The following PTPN1 variants were observed in gnomAD, a reference collection of about 807,000 sequenced individuals.
PTPN1 encodes protein tyrosine phosphatase non-receptor type 1, also known as tyrosine-protein phosphatase non-receptor type 1.
Under a neutral mutation model 59.9 loss-of-function variants are expected in PTPN1, and 12 were observed. The ratio of observed to expected loss-of-function variants is 0.20; its 90% CI spans 0.13 to 0.32. The LOEUF (loss-of-function observed/expected upper bound fraction) is 0.32, where lower values mean the gene tolerates loss of function less well. Among genes scored for constraint, PTPN1 ranks in the 10% least tolerant of loss-of-function variants. PTPN1 has a pLI of 1.00. For synonymous variants in PTPN1, 178 were observed against 203.6 expected, an observed-to-expected ratio of 0.87 and a Z score of 1.07; for missense variants, 356 against 549.2, an observed-to-expected ratio of 0.65 and a Z score of 3.52.
chr20:50,525,632 A>G (rs2082571486), intron 1 of PTPN1, among the ~76,000 whole-genome samples: 1 of 145,714 alleles, frequency 6.9e-6, no homozygotes, highest in Non-Finnish European at 1.5e-5. Context: ...TTTTTTGATG[A>G]TTGTTTTTTG....
intron 1 of PTPN1, among the ~76,000 whole-genome samples, chr20:50,549,267 G>C (rs1030977469): frequency 6.6e-6 from 1 of 152,012 alleles, no homozygotes. Flanking sequence ...TTTATATTTG[G>C]AGCAGTGGGT....
At chr20:50,524,720 G>A (rs2082566732) in intron 1 of PTPN1, among the ~76,000 whole-genome samples, 1 of 150,240 alleles carries the variant, frequency 6.7e-6, no homozygotes, top group Non-Finnish European at 1.5e-5. Flanking sequence ...GGGATTACAG[G>A]CGCCTGCCAC....
chr20:50,529,584 A>T (rs1389965832), intron 1 of PTPN1, among the ~76,000 whole-genome samples: 1 of 152,172 alleles, frequency 6.6e-6, no homozygotes, highest in Non-Finnish European at 1.5e-5. Flanking sequence ...TCTGAAACCA[A>T]ATCATTGTTT....
chr20:50,557,110 C>A (rs2082729456), intron 1 of PTPN1, among the ~76,000 whole-genome samples: 1 of 152,178 alleles, frequency 6.6e-6, no homozygotes, highest in Non-Finnish European at 1.5e-5. Flanking sequence ...CCACCTCAGA[C>A]CATTTCTCTG....
chr20:50,562,430 G>A (rs2082757301), intron 2 of PTPN1, among the ~76,000 whole-genome samples: 1 of 151,894 alleles, frequency 6.6e-6, no homozygotes, highest in African/African-American at 2.4e-5. Flanking sequence ...TGTGCCTCTT[G>A]GCCTGCCACC....
At chr20:50,581,885 C>T (rs1006039949) in intron 9 of PTPN1, among the ~76,000 whole-genome samples, 5 of 152,056 alleles carry the variant, frequency 3.3e-5, no homozygotes, top group Non-Finnish European at 5.9e-5. Context: ...GAAACTTTCT[C>T]ATACCCTTAG....
intron 1 of PTPN1, among the ~76,000 whole-genome samples, chr20:50,531,505 T>C (rs2122736823): frequency 6.6e-6 from 1 of 152,316 alleles, no homozygotes; most frequent in South Asian, 2.1e-4. Flanking sequence ...GCCTCCTTAG[T>C]AGCTGGGATT....
chr20:50,512,068 C>A (rs1221518341), intron 1 of PTPN1, among the ~76,000 whole-genome samples: 1 of 152,060 alleles, frequency 6.6e-6, no homozygotes, highest in African/African-American at 2.4e-5. Context: ...TTAGTTTCTG[C>A]TAGACTAATA....
At chr20:50,572,962 A>C (rs2082818434) in intron 4 of PTPN1, 1 of 152,216 alleles carries the variant, frequency 6.6e-6, no homozygotes, top group Non-Finnish European at 1.5e-5. Flanking sequence ...AAACTGGCTA[A>C]GACTTCAGAC....
At chr20:50,562,543 A>G (rs971859838) in intron 2 of PTPN1, among the ~76,000 whole-genome samples, 4 of 152,224 alleles carry the variant, frequency 2.6e-5, no homozygotes, top group Non-Finnish European at 5.9e-5. Context: ...ATGAAGCAAC[A>G]TAAGCTGCTT....
chr20:50,535,510 C>A (rs1454288652), intron 1 of PTPN1, among the ~76,000 whole-genome samples: 1 of 152,134 alleles, frequency 6.6e-6, no homozygotes, highest in Non-Finnish European at 1.5e-5. Context: ...TTCTCTGTTG[C>A]CTCCGTGACC....
intron 1 of PTPN1, among the ~76,000 whole-genome samples, chr20:50,531,068 C>G (rs1027134805): frequency 1.3e-5 from 2 of 152,096 alleles, no homozygotes; most frequent in African/African-American, 4.8e-5. Flanking sequence ...GACCTGGGAC[C>G]TGAAGGGAAC....
rs561765866 is a variant in PTPN1, at chr20:50,580,735, G to A, written c.1089-530G>A. Among the ~76,000 whole-genome samples, 22 of 152,314 alleles carry A rather than the reference G, an allele frequency of 1.4e-4. 1 individual carries two copies. Among genetic ancestry groups the A allele is most frequent in the Middle Eastern group, 6.8e-3 (2 of 294 alleles). ...CTTTGCAGCAACTCTCAAAACAAGC[G>A]TGTAAAGATGTGTATAGGTAGTTGT... is the stretch of plus-strand genomic sequence containing the variant. On this transcript the variant is annotated intron_variant, in intron 8 of 9. Coordinates refer to ENST00000371621, the MANE Select transcript of PTPN1 (RefSeq NM_002827.4).
In PTPN1 at chr20:50,510,396, A is replaced by T. The variant is rs2082500079; in HGVS notation, c.-132A>T. 1 of 948,368 alleles carries T rather than the reference A, an allele frequency of 1.1e-6. No individual in the cohort carries two copies. Among genetic ancestry groups the T allele is most frequent in the East Asian group, 3.0e-5 (1 of 33,834 alleles). 58.7% of individuals were successfully genotyped at this position (948,368 alleles called of 1,614,324 possible). Reference sequence around the variant, plus strand: ...CTGCCGGTTGACATGAAGAAGCAGCAGCGGCTAGGGCGGCGGTAGCTGCAG... The same window carrying T: ...CTGCCGGTTGACATGAAGAAGCAGCTGCGGCTAGGGCGGCGGTAGCTGCAG... On this transcript the variant is annotated 5_prime_UTR_variant, in exon 1 of 10. Coordinates refer to ENST00000371621, the MANE Select transcript of PTPN1 (RefSeq NM_002827.4).
intron 1 of PTPN1, among the ~76,000 whole-genome samples, chr20:50,537,208 A>C (rs13045489): frequency 0.36 from 55,368 of 152,000 alleles, 9,973 homozygotes; most frequent in Admixed American, 0.39. Context: ...CTGTAATCCC[A>C]GCTAGTTGGG....
chr20:50,520,336 A>G (rs1389309452), intron 1 of PTPN1, among the ~76,000 whole-genome samples: 2 of 150,462 alleles, frequency 1.3e-5, no homozygotes, highest in East Asian at 1.9e-4. Flanking sequence ...ATACCATTGC[A>G]CTACAGCCTG....
Position 50,583,078 on chromosome 20 carries a change from CT to C in PTPN1, c.*365del, listed in dbSNP as rs1481906340. 25 of 298,888 alleles carry C rather than the reference CT, an allele frequency of 8.4e-5. No homozygotes were observed. The East Asian group carries it at 1.5e-3, about 17-fold the overall frequency. 18.5% of individuals were successfully genotyped at this position (298,888 alleles called of 1,614,324 possible). A position where few individuals can be genotyped will look rare whatever the true frequency, so the allele number is the denominator to read the frequency against. On this transcript the variant is annotated 3_prime_UTR_variant, in exon 10 of 10. Transcript: ENST00000371621. ...CGGGCGGCACGCCAACAGCCCCCCCCTTGAATCTGCAGGGAGCAACTCTCCA... is the reference window on the plus strand; with the variant it reads ...CGGGCGGCACGCCAACAGCCCCCCCCTGAATCTGCAGGGAGCAACTCTCCA...
At chr20:50,565,196 CAAGGAAGGGGGAAAAATCATCCTTCA>C in intron 3 of PTPN1, 127 bp downstream of exon 3, 1 of 934,210 alleles carries the variant, frequency 1.1e-6, no homozygotes, top group Non-Finnish European at 1.5e-6. Context: ...CAAAAAGCAG[CAAGGAAGGGGGAAAAATCATCCTTCA>C]AAGGTTCAGT....
intron 7 of PTPN1, 43 bp downstream of exon 7, chr20:50,579,372 CT>C (rs1568798056): frequency 1.9e-6 from 3 of 1,581,882 alleles, no homozygotes; most frequent in Admixed American, 1.8e-5. Context: ...ACCATTTTAA[CT>C]TTTTTGTCTT....
Sources: gnomAD v4.1 joint callset for allele counts (sites outside exome capture counted in the v4.1 genomes callset) on GRCh38, gnomAD v4.1.1 for gene constraint, MANE v1.5 for transcripts, NCBI Gene and HGNC (gene_info 2026-07-23, HGNC 2026-07-21) for gene names.